The following SDC4 variants were observed in gnomAD, a reference collection of about 807,000 sequenced individuals.
SDC4 encodes syndecan 4.
In SDC4, 17 loss-of-function variants were observed where a neutral mutation model predicts 20.5. The ratio of observed to expected loss-of-function variants is 0.83; its 90% CI spans 0.57 to 1.25. The LOEUF is 1.25. SDC4 is among the 50% of genes most tolerant of loss of function. The pLI is 0.00. For synonymous variants in SDC4, 107 were observed against 105.3 expected, an observed-to-expected ratio of 1.02 and a Z score of -0.10; for missense variants, 241 against 252.3, an observed-to-expected ratio of 0.96 and a Z score of 0.30.
chr20:45,329,810 C>T (rs1034150472), intron 4 of SDC4, among the ~76,000 whole-genome samples: 3 of 152,214 alleles, frequency 2.0e-5, no homozygotes, highest in Admixed American at 6.5e-5. Flanking sequence ...GAGGCCAAAT[C>T]GGAATAGCCC....
intron 3 of SDC4, among the ~76,000 whole-genome samples, chr20:45,331,988 C>A (rs1485962947): frequency 6.6e-6 from 1 of 152,094 alleles, no homozygotes; most frequent in Non-Finnish European, 1.5e-5. Context: ...ATGTTTGCTG[C>A]AGTGTTATAA....
chr20:45,327,455 C>T (rs1987710778), intron 4 of SDC4, 40 bp from the exon 5 acceptor site: 1 of 1,596,488 alleles, frequency 6.3e-7, no homozygotes, highest in Non-Finnish European at 8.6e-7. Flanking sequence ...GTGAGAGCTC[C>T]TCATCAGGAC....
chr20:45,334,219 G>A (rs537802221), intron 2 of SDC4, among the ~76,000 whole-genome samples: 102 of 151,836 alleles, frequency 6.7e-4, no homozygotes, highest in African/African-American at 2.3e-3. Flanking sequence ...GGATGGTCTC[G>A]ATCTCTTGAC....
intron 2 of SDC4, 39 bp from the exon 3 acceptor site, chr20:45,333,108 C>T (rs182295869): frequency 1.9e-6 from 3 of 1,603,826 alleles, no homozygotes; most frequent in African/African-American, 1.3e-5. Context: ...AGGTCCATTA[C>T]CCCAGGAAAA....
At chr20:45,332,646 G>T (rs1234985860) in intron 3 of SDC4, among the ~76,000 whole-genome samples, 1 of 152,112 alleles carries the variant, frequency 6.6e-6, no homozygotes. Context: ...CCAGGCTGGA[G>T]TGCACTGGCA....
intron 1 of SDC4, among the ~76,000 whole-genome samples, chr20:45,342,225 C>A (rs1302220566): frequency 6.6e-6 from 1 of 152,206 alleles, no homozygotes; most frequent in Admixed American, 6.5e-5. Context: ...TAGATCAGCC[C>A]TGGGTGCTGG....
In SDC4 at chr20:45,330,313, C is replaced by T. The variant is rs543869268; in HGVS notation, c.445+53G>A. ...ATCCCTGCCTGCAGGTGCTCTCCCC[C>T]GCTGAGCCCCATTCCACCTTCAAGG... On this transcript the variant is annotated intron_variant, in intron 4 of 4. Coordinates refer to ENST00000372733, the MANE Select transcript of SDC4 (RefSeq NM_002999.4). 108 of 1,536,732 alleles carry T rather than the reference C, an allele frequency of 7.0e-5. No individual in the cohort carries two copies. The South Asian group carries it at 7.4e-4, about 10-fold the overall frequency.
intron 1 of SDC4, 90 bp downstream of exon 1, chr20:45,348,235 G>GCT (rs1988062746): frequency 1.1e-6 from 1 of 889,352 alleles, no homozygotes; most frequent in Middle Eastern, 2.4e-4. Context: ...CCCCCGATCT[G>GCT]CCCCCCCCCA....
intron 1 of SDC4, among the ~76,000 whole-genome samples, chr20:45,336,999 C>T (rs1987880702): frequency 6.6e-6 from 1 of 151,942 alleles, no homozygotes; most frequent in Non-Finnish European, 1.5e-5. Context: ...CAGCCACTAC[C>T]CTGTGGAGAC....
intron 1 of SDC4, 94 bp from the exon 2 acceptor site, chr20:45,336,014 GAA>G: frequency 1.4e-6 from 2 of 1,417,408 alleles, no homozygotes; most frequent in Non-Finnish European, 1.9e-6. Flanking sequence ...TCAGAAACTA[GAA>G]AGAGACCAGG....
chr20:45,335,733 C>T (rs1367984125), intron 2 of SDC4, 49 bp downstream of exon 2: 2 of 1,586,746 alleles, frequency 1.3e-6, no homozygotes, highest in South Asian at 2.2e-5. Context: ...GGTGAAGCCA[C>T]CACTCCCTCC....
In SDC4 at chr20:45,326,725, C is replaced by T. The variant is rs1327283429; in HGVS notation, c.*539G>A. 6.6e-6 allele frequency: 1 copy of T among 152,664 alleles called. No individual in the cohort carries two copies. Among genetic ancestry groups the T allele is most frequent in the South Asian group, 2.1e-4 (1 of 4,824 alleles). The allele number at this position is 152,664 out of a possible 1,614,324, so 9.5% of individuals were successfully genotyped here. ...ATTTCCAAAAGTCACTTGAAAGAGC[C>T]TAGAATGGCCCCAGGTATATACCAC... On this transcript the variant is annotated 3_prime_UTR_variant, in exon 5 of 5. Coordinates refer to ENST00000372733, the MANE Select transcript of SDC4 (RefSeq NM_002999.4).
chr20:45,334,638 G>A (rs1272612637), intron 2 of SDC4, among the ~76,000 whole-genome samples: 2 of 151,700 alleles, frequency 1.3e-5, no homozygotes, highest in South Asian at 2.1e-4. Flanking sequence ...ACAGGCACTC[G>A]ACACCACACC....
rs879584372 is a variant in SDC4, at chr20:45,325,855, C to G, written c.*1409G>C. 1 of 152,518 alleles carries G rather than the reference C, an allele frequency of 6.6e-6. No individual in the cohort carries two copies. The highest frequency in any genetic ancestry group is 1.5e-5 in the Non-Finnish European group (1 of 68,046). The allele number at this position is 152,518 out of a possible 1,614,324, so 9.4% of individuals were successfully genotyped here. A position where few individuals can be genotyped will look rare whatever the true frequency, so the allele number is the denominator to read the frequency against. ...TTTTAATTGGCTTAACTTTAAACAG[C>G]CGCATGTGGTTACTGTATTGGATAG... On this transcript the variant is annotated 3_prime_UTR_variant, in exon 5 of 5. Transcript: ENST00000372733.
intron 3 of SDC4, among the ~76,000 whole-genome samples, chr20:45,332,785 G>A (rs2145709525): frequency 6.6e-6 from 1 of 152,044 alleles, no homozygotes; most frequent in East Asian, 2.0e-4. Flanking sequence ...TGTAGAGACA[G>A]GTTTCATCGT....
At chr20:45,335,536 C>A (rs1388098491) in intron 2 of SDC4, among the ~76,000 whole-genome samples, 2 of 151,628 alleles carry the variant, frequency 1.3e-5, no homozygotes, top group African/African-American at 4.9e-5. Context: ...CACGTTCAGG[C>A]TGGAGCTCAG....
In SDC4 at chr20:45,327,387, G is replaced by T. The variant is rs966067723; in HGVS notation, c.474C>A (p.Ile158=). ...AALIVGGIVG[I]LFAVFLILLL... ...GTAGGATCAGGAAGACGGCAAAGAG[G>T]ATGCCCACGATGCCACCCACAATCA... Residue 158 remains isoleucine, a synonymous_variant, in exon 5 of 5, where the codon ATC becomes ATA. Transcript: ENST00000372733. 3.1e-6 allele frequency: 5 copies of T among 1,613,804 alleles called. No individual in the cohort carries two copies. In the African/African-American group the frequency reaches 5.3e-5, roughly 17 times the overall value.
At position 45,348,375 on chromosome 20, in the gene SDC4, C is replaced by A; in HGVS notation, c.10G>T (p.Ala4Ser). ...AACAGCAGCAGCGCGAACAGACGGG[C>A]GGGGGCCATGGCACCGCGGACTGGA... MAP[A>S]RLFALLLFFV... is the part of the protein sequence containing the mutation. Residue 4 changes from alanine (A) to serine (S), a missense_variant, in exon 1 of 5, where the codon GCC becomes TCC. Coordinates refer to ENST00000372733, the MANE Select transcript of SDC4 (RefSeq NM_002999.4). 1.3e-6 allele frequency: 2 copies of A among 1,584,616 alleles called. No individual in the cohort carries two copies. The highest frequency in any genetic ancestry group is 2.3e-5 in the East Asian group (1 of 42,954).
At chr20:45,338,827 G>A (rs1240751913) in intron 1 of SDC4, among the ~76,000 whole-genome samples, 1 of 152,112 alleles carries the variant, frequency 6.6e-6, no homozygotes, top group African/African-American at 2.4e-5. Flanking sequence ...TCACCCCGGG[G>A]CTCCGCGGCA....
Sources: gnomAD v4.1 joint callset for allele counts (sites outside exome capture counted in the v4.1 genomes callset) on GRCh38, gnomAD v4.1.1 for gene constraint, MANE v1.5 for transcripts, NCBI Gene and HGNC (gene_info 2026-07-23, HGNC 2026-07-21) for gene names.